SEC22C: variants seen among roughly 807,000 people sequenced by gnomAD.
SEC22C encodes the protein SEC22 homolog C, vesicle trafficking protein.
A neutral mutation model predicts 34.7 loss-of-function variants in SEC22C; 29 were observed. The ratio of observed to expected loss-of-function variants is 0.84; its 90% confidence interval spans 0.62 to 1.14. The LOEUF is 1.14. Ranked by LOEUF, SEC22C falls within the 50% of genes most tolerant of loss-of-function variation. The pLI, the probability that SEC22C is intolerant of heterozygous loss-of-function variation, is 0.00. For synonymous variants in SEC22C, 117 were observed against 132.8 expected (o/e 0.88, Z 0.82); for missense variants, 337 against 369.0 (o/e 0.91, Z 0.71).
At chr3:42,595,114 A>G (rs1455146327) in intron 1 of SEC22C, 1 of 152,242 alleles carries the variant, frequency 6.6e-6, no homozygotes, top group Non-Finnish European at 1.5e-5. Context: ...TGCCAACAAA[A>G]TGAATAGTGA....
At chr3:42,572,891 A>C (rs1355365819) in intron 1 of SEC22C, among the ~76,000 whole-genome samples, 1 of 152,260 alleles carries the variant, frequency 6.6e-6, no homozygotes. Flanking sequence ...TCAATGGTCA[A>C]TTATAAACTG....
chr3:42,565,339 T>C (rs1044874903), intron 2 of SEC22C, among the ~76,000 whole-genome samples: 3 of 152,138 alleles, frequency 2.0e-5, no homozygotes, highest in South Asian at 2.1e-4. Context: ...ACTCCCTATA[T>C]AAAAACTTTT....
chr3:42,570,189 C>T (rs1019586489), intron 1 of SEC22C, among the ~76,000 whole-genome samples: 3 of 152,186 alleles, frequency 2.0e-5, no homozygotes, highest in African/African-American at 7.2e-5. Flanking sequence ...AAGATGCACA[C>T]TACTCTTCAT....
exon 1 of SEC22C, chr3:42,601,049 A>G: frequency 6.3e-7 from 1 of 1,579,954 alleles, no homozygotes; most frequent in Non-Finnish European, 8.6e-7. Flanking sequence ...CGACATCGAG[A>G]TCAACCGGGA....
Position 42,550,652 on chromosome 3 carries a change from C to A in SEC22C, c.*2596G>T. ...CCCCATGTAGATGTTAACTGATATCCACACATTCGACCTGGTGTGGATAAC... is the reference window on the plus strand; with the variant it reads ...CCCCATGTAGATGTTAACTGATATCAACACATTCGACCTGGTGTGGATAAC... On this transcript the variant is annotated 3_prime_UTR_variant, in exon 7 of 7. Coordinates refer to ENST00000264454, the MANE Select transcript of SEC22C (RefSeq NM_032970.4). The A allele has an allele frequency of 8.1e-6, 8 of 985,106 alleles. No individual in the cohort carries two copies. The highest frequency in any genetic ancestry group is 9.6e-6 in the Non-Finnish European group (8 of 829,874). 61.0% of individuals were successfully genotyped at this position (985,106 alleles called of 1,614,324 possible).
Position 42,548,131 on chromosome 3 carries a change from T to C in SEC22C, c.*5117A>G, listed in dbSNP as rs954858319. The C allele has an allele frequency of 6.5e-6, 1 of 154,492 alleles. No individual in the cohort carries two copies. Among genetic ancestry groups the C allele is most frequent in the African/African-American group, 2.4e-5 (1 of 41,494 alleles). The allele number at this position is 154,492 out of a possible 1,614,324, so 9.6% of individuals were successfully genotyped here. On this transcript the variant is annotated 3_prime_UTR_variant, in exon 7 of 7. Coordinates refer to ENST00000264454, the MANE Select transcript of SEC22C (RefSeq NM_032970.4). ...CATTATTTACTCAAAATATTTATTGTTACAAGAAAACCGTAAGAAGCTTGT... is the reference window on the plus strand; with the variant it reads ...CATTATTTACTCAAAATATTTATTGCTACAAGAAAACCGTAAGAAGCTTGT...
chr3:42,569,841 G>C (rs978538405), intron 1 of SEC22C, among the ~76,000 whole-genome samples: 4 of 152,168 alleles, frequency 2.6e-5, no homozygotes, highest in Non-Finnish European at 5.9e-5. Context: ...TGCCTCTCTT[G>C]GTGGAAACAG....
At chr3:42,554,281 A>G (rs1429920418) in intron 6 of SEC22C, among the ~76,000 whole-genome samples, 2 of 152,124 alleles carry the variant, frequency 1.3e-5, no homozygotes, top group Non-Finnish European at 2.9e-5. Context: ...GGTCTTGGAG[A>G]CTTGTTTTCT....
At position 42,548,547 on chromosome 3, in the gene SEC22C, G is replaced by A. The variant is rs1297188753; in HGVS notation, c.*4701C>T. 6.3e-7 allele frequency: 1 copy of A among 1,575,010 alleles called. No individual in the cohort carries two copies. Among genetic ancestry groups the A allele is most frequent in the Non-Finnish European group, 8.7e-7 (1 of 1,146,534 alleles). On this transcript the variant is annotated 3_prime_UTR_variant, in exon 7 of 7. Transcript: ENST00000264454. ...TGCTGATGAGATTTCCCCAGCAGCA[G>A]AAGTTTGACATCACTGCTCCCGGAT...
At chr3:42,589,290 T>C (rs1280348017) in intron 1 of SEC22C, among the ~76,000 whole-genome samples, 2 of 150,008 alleles carry the variant, frequency 1.3e-5, no homozygotes, top group African/African-American at 2.5e-5. Flanking sequence ...AAAAAAGAAA[T>C]GGGATGAAAG....
At position 42,551,561 on chromosome 3, in the gene SEC22C, C is replaced by A; in HGVS notation, c.*1687G>T. ...CTATGTTGTCCAGGCTGGTCTCAAA[C>A]TACTGGCCTCAACCGAGTCTCCTGC... is the stretch of plus-strand genomic sequence containing the variant. On this transcript the variant is annotated 3_prime_UTR_variant, in exon 7 of 7. Transcript: ENST00000264454. 1 of 539,874 alleles carries A rather than the reference C, an allele frequency of 1.9e-6. No individual in the cohort carries two copies. Among genetic ancestry groups the A allele is most frequent in the Non-Finnish European group, 2.4e-6 (1 of 423,454 alleles). The allele number at this position is 539,874 out of a possible 1,614,324, so 33.4% of individuals were successfully genotyped here. A position where few individuals can be genotyped will look rare whatever the true frequency, so the allele number is the denominator to read the frequency against.
intron 1 of SEC22C, among the ~76,000 whole-genome samples, chr3:42,571,492 C>T (rs537476237): frequency 6.6e-6 from 1 of 152,298 alleles, no homozygotes; most frequent in South Asian, 2.1e-4. Context: ...AGGATGGCAG[C>T]TGCCTGAAGG....
At chr3:42,600,944 T>C in intron 1 of SEC22C, 1 of 1,068,942 alleles carries the variant, frequency 9.4e-7, no homozygotes. Context: ...GCCCCCGCCC[T>C]CGCCCCTGCC....
At chr3:42,585,849 G>A (rs1026754090), upstream of SEC22C, among the ~76,000 whole-genome samples, 2 of 152,050 alleles carry the variant, frequency 1.3e-5, no homozygotes, top group Non-Finnish European at 2.9e-5. Context: ...ACCTTTCAGC[G>A]CTCCTATTTG....
At chr3:42,577,749 C>G (rs1704057049) in intron 1 of SEC22C, among the ~76,000 whole-genome samples, 1 of 152,152 alleles carries the variant, frequency 6.6e-6, no homozygotes, top group African/African-American at 2.4e-5. Context: ...GTGAGTGGAT[C>G]ACCTGAGGTT....
chr3:42,579,082 A>G (rs1704145338), intron 1 of SEC22C, among the ~76,000 whole-genome samples: 1 of 152,164 alleles, frequency 6.6e-6, no homozygotes, highest in Admixed American at 6.5e-5. Flanking sequence ...GTTCGAGAAC[A>G]GCCTGACCAA....
intron 3 of SEC22C, among the ~76,000 whole-genome samples, chr3:42,562,060 T>G (rs1005457366): frequency 6.6e-6 from 1 of 152,230 alleles, no homozygotes; most frequent in African/African-American, 2.4e-5. Context: ...GATTATATAT[T>G]TGAAAAGTAT....
chr3:42,594,426 C>A, intron 1 of SEC22C: 1 of 1,612,852 alleles, frequency 6.2e-7, no homozygotes, highest in African/African-American at 1.3e-5. Context: ...CCATAGGTAC[C>A]AGCATGTGTT....
At chr3:42,592,085 A>C (rs1704871412) in intron 1 of SEC22C, among the ~76,000 whole-genome samples, 2 of 152,266 alleles carry the variant, frequency 1.3e-5, no homozygotes, top group African/African-American at 4.8e-5. Flanking sequence ...GTTAAGTCAA[A>C]GGTAAATTGT....
Sources: gnomAD v4.1 joint callset for allele counts (sites outside exome capture counted in the v4.1 genomes callset) on GRCh38, gnomAD v4.1.1 for gene constraint, MANE v1.5 for transcripts, NCBI Gene and HGNC (gene_info 2026-07-23, HGNC 2026-07-21) for gene names.